TMTC2: variants seen among roughly 807,000 people sequenced by gnomAD.
TMTC2 encodes the protein protein O-mannosyl-transferase TMTC2.
Under a neutral mutation model 82.4 loss-of-function variants are expected in TMTC2, and 43 were observed. That is an observed-to-expected ratio of 0.52 (90% CI 0.41 to 0.67). The LOEUF is 0.67. Ranked by LOEUF, TMTC2 falls within the 30% of genes least tolerant of loss-of-function variation. TMTC2 has a pLI of 0.00. For missense variants in TMTC2, 919 were observed against 1,012.4 expected, an observed-to-expected ratio of 0.91 and a Z score of 1.25; for synonymous variants, 408 against 381.9, an observed-to-expected ratio of 1.07 and a Z score of -0.80.
intron 2 of TMTC2, among the ~76,000 whole-genome samples, chr12:82,860,540 G>GT (rs1441674183): frequency 2.0e-5 from 3 of 152,212 alleles, no homozygotes; most frequent in Non-Finnish European, 4.4e-5. Context: ...TCCATGATCT[G>GT]TTTCTTCATC....
rs186393396 is a variant in TMTC2, at chr12:82,844,100, A to C, written c.84-12910A>C. Among the ~76,000 whole-genome samples the C allele has an allele frequency of 3.5e-3, 526 of 152,260 alleles. 2 individuals carry two copies. Among genetic ancestry groups the C allele is most frequent in the Non-Finnish European group, 5.7e-3 (390 of 68,016 alleles). ...TAGAGCCTGTTAGTTTCTCCCTTTA[A>C]AACTTTTTCCCCTTTTACTTTCCTG... On this transcript the variant is annotated intron_variant, in intron 1 of 11. Coordinates refer to ENST00000321196, the MANE Select transcript of TMTC2 (RefSeq NM_152588.3).
intron 7 of TMTC2, among the ~76,000 whole-genome samples, chr12:82,978,852 T>A (rs1356007345): frequency 6.6e-6 from 1 of 151,850 alleles, no homozygotes; most frequent in African/African-American, 2.4e-5. Context: ...GGTTTATATA[T>A]CTGGGTTCTC....
intron 1 of TMTC2, chr12:82,758,729 C>A (rs1405983166): frequency 6.6e-6 from 1 of 152,104 alleles, no homozygotes; most frequent in Admixed American, 6.6e-5. Context: ...AACTGTATTA[C>A]CATTAGCATA....
At chr12:82,833,173 AC>A (rs1744803112) in intron 1 of TMTC2, among the ~76,000 whole-genome samples, 1 of 152,204 alleles carries the variant, frequency 6.6e-6, no homozygotes, top group South Asian at 2.1e-4. Flanking sequence ...TTTTTTAATG[AC>A]AAAGTTGTTT....
At chr12:83,060,745 T>C (rs1322344902) in intron 10 of TMTC2, among the ~76,000 whole-genome samples, 1 of 151,732 alleles carries the variant, frequency 6.6e-6, no homozygotes, top group Non-Finnish European at 1.5e-5. Flanking sequence ...CAGCACGATA[T>C]GATCAAAAAA....
At chr12:82,831,131 C>T (rs973322523) in intron 1 of TMTC2, among the ~76,000 whole-genome samples, 7 of 152,116 alleles carry the variant, frequency 4.6e-5, no homozygotes, top group Non-Finnish European at 7.3e-5. Flanking sequence ...TAACAAAACC[C>T]AGGATATTGC....
chr12:82,972,898 G>T (rs1878511245), intron 7 of TMTC2, among the ~76,000 whole-genome samples: 1 of 152,100 alleles, frequency 6.6e-6, no homozygotes. Flanking sequence ...GTGTGTATGT[G>T]CATGTGTGTT....
intron 2 of TMTC2, among the ~76,000 whole-genome samples, chr12:82,894,657 A>G (rs1337464852): frequency 6.6e-6 from 1 of 152,156 alleles, no homozygotes; most frequent in African/African-American, 2.4e-5. Flanking sequence ...TTTACGACTT[A>G]GATTTTTAGA....
chr12:82,981,524 C>A (rs756157015), intron 7 of TMTC2, among the ~76,000 whole-genome samples: 6 of 151,868 alleles, frequency 4.0e-5, no homozygotes, highest in Non-Finnish European at 7.4e-5. Context: ...GGGTGATGAA[C>A]CTGATCATTC....
At chr12:82,749,769 G>T (rs1323919960) in intron 1 of TMTC2, among the ~76,000 whole-genome samples, 1 of 128,414 alleles carries the variant, frequency 7.8e-6, no homozygotes, top group South Asian at 2.4e-4. Context: ...GCGGAGTCTC[G>T]CTTTGTTGCC....
chr12:82,735,353 T>TC (rs1026766999), intron 1 of TMTC2, among the ~76,000 whole-genome samples: 14 of 151,044 alleles, frequency 9.3e-5, no homozygotes, highest in Non-Finnish European at 2.1e-4. Flanking sequence ...ATTTTGATTT[T>TC]TTTTTTTTTT....
chr12:82,966,936 C>T lies in TMTC2; in HGVS notation c.1887C>T (p.Tyr629=), dbSNP rs1378674965. The T allele has an allele frequency of 1.2e-6, 2 of 1,612,602 alleles. No homozygotes were observed. The highest frequency in any genetic ancestry group is 1.1e-5 in the South Asian group (1 of 90,968). ...QGHYEEALSV[Y]KEAIQKMPRQ... ...TAAATTAGGAAGCCCTTAGTGTATA[C>T]AAGGAAGCAATTCAGAAAATGCCAA... Residue 629 remains tyrosine, a synonymous_variant, in exon 7 of 12, where the codon TAC becomes TAT. Transcript: ENST00000321196.
intron 11 of TMTC2, among the ~76,000 whole-genome samples, chr12:83,077,877 TGTC>T (rs1332750887): frequency 1.7e-5 from 2 of 120,246 alleles, no homozygotes; most frequent in Non-Finnish European, 3.4e-5. Context: ...CCAGACAATC[TGTC>T]TTTTTTTTTT....
chr12:82,935,805 T>C (rs1876284597), intron 4 of TMTC2, among the ~76,000 whole-genome samples: 1 of 152,132 alleles, frequency 6.6e-6, no homozygotes, highest in Admixed American at 6.5e-5. Context: ...ATTTTGCTAC[T>C]ATAAGTTAAT....
chr12:82,929,252 C>T (rs775877165), intron 3 of TMTC2, among the ~76,000 whole-genome samples: 1 of 151,996 alleles, frequency 6.6e-6, no homozygotes, highest in Non-Finnish European at 1.5e-5. Context: ...CGAGGTTTCA[C>T]CATGTTGCCC....
intron 1 of TMTC2, among the ~76,000 whole-genome samples, chr12:82,708,644 C>T (rs1017403943): frequency 1.3e-5 from 2 of 152,224 alleles, no homozygotes; most frequent in Admixed American, 6.5e-5. Context: ...GTTTGGCCTG[C>T]AGGAAGTGCC....
intron 1 of TMTC2, among the ~76,000 whole-genome samples, chr12:82,748,905 CGTAT>C (rs1875831344): frequency 1.3e-5 from 2 of 152,056 alleles, no homozygotes; most frequent in Non-Finnish European, 2.9e-5. Flanking sequence ...TACACACACA[CGTAT>C]GTATGTGTAT....
chr12:82,842,525 T>C (rs564908351), intron 1 of TMTC2, among the ~76,000 whole-genome samples: 1 of 152,352 alleles, frequency 6.6e-6, no homozygotes, highest in South Asian at 2.1e-4. Context: ...AAATGTAGTT[T>C]TCCTGAAACT....
At chr12:83,008,608 T>C (rs1176040017) in intron 8 of TMTC2, among the ~76,000 whole-genome samples, 1 of 152,224 alleles carries the variant, frequency 6.6e-6, no homozygotes, top group African/African-American at 2.4e-5. Flanking sequence ...CCAAAATTTG[T>C]TTCATATTCC....
Sources: allele counts gnomAD v4.1 joint callset (sites outside exome capture counted in the v4.1 genomes callset), GRCh38; gene constraint gnomAD v4.1.1; transcripts MANE v1.5; gene names NCBI Gene and HGNC (gene_info 2026-07-23, HGNC 2026-07-21).